Variants in TRPA1 observed in about 807,000 individuals in gnomAD.
TRPA1 encodes the protein transient receptor potential cation channel subfamily A member 1.
TRPA1 carries 129 observed loss-of-function variants against 131.3 expected under a neutral mutation model. That is an observed-to-expected ratio of 0.98 (90% confidence interval 0.85 to 1.14). The LOEUF is 1.14. TRPA1 is among the 50% of genes most tolerant of loss of function. TRPA1 has a pLI of 0.00. For synonymous variants in TRPA1, 441 were observed against 451.7 expected (o/e 0.98, Z 0.30); for missense variants, 1,304 against 1,354.2 (o/e 0.96, Z 0.58).
chr8:72,030,806 G>A (rs757951295), intron 23 of TRPA1, among the ~76,000 whole-genome samples: 3 of 152,170 alleles, frequency 2.0e-5, no homozygotes, highest in Non-Finnish European at 4.4e-5. Context: ...TACTATAGGG[G>A]CAGGAGAGGC....
At chr8:72,029,077 T>C (rs951610892) in intron 24 of TRPA1, among the ~76,000 whole-genome samples, 2 of 152,178 alleles carry the variant, frequency 1.3e-5, no homozygotes, top group African/African-American at 4.8e-5. Flanking sequence ...GGAAGGCACC[T>C]CACAAGATTC....
At chr8:72,077,289 G>GT (rs1491547171), upstream of TRPA1, among the ~76,000 whole-genome samples, 1 of 48,818 alleles carries the variant, frequency 2.0e-5, no homozygotes, top group Non-Finnish European at 4.3e-5. Context: ...GGTGACAGGG[G>GT]TGGGGGGGGG....
chr8:72,067,984 C>T (rs887479719), intron 3 of TRPA1, among the ~76,000 whole-genome samples: 3 of 152,200 alleles, frequency 2.0e-5, no homozygotes, highest in African/African-American at 7.2e-5. Flanking sequence ...ACACCTCTTC[C>T]CTCAAGGATA....
chr8:72,062,669 CA>C lies in TRPA1; in HGVS notation c.807+129del, dbSNP rs150130836. 1.0e-3 allele frequency: 993 copies of C among 984,652 alleles called. 5 individuals carry two copies. The African/African-American group carries it at 0.014, about 14-fold the overall frequency. The allele number at this position is 984,652 out of a possible 1,614,324, so 61.0% of individuals were successfully genotyped here. Reference sequence around the variant, plus strand: ...GGGATATTCTCTTGTTCTGCTTCTGCAGAAGCAGAAGGAAATATGTATTTCT... The same window carrying C: ...GGGATATTCTCTTGTTCTGCTTCTGCGAAGCAGAAGGAAATATGTATTTCT... On this transcript the variant is annotated intron_variant, in intron 6 of 26. Transcript: ENST00000262209.
At chr8:72,052,832 A>G in intron 13 of TRPA1, 67 bp from the exon 14 acceptor site, 6 of 1,584,436 alleles carry the variant, frequency 3.8e-6, no homozygotes, top group Non-Finnish European at 5.2e-6. Flanking sequence ...TCACTGCTTA[A>G]CTGCTTAAAA....
the TRPA1 span, among the ~76,000 whole-genome samples, chr8:72,084,704 T>C: frequency 7.0e-6 from 1 of 143,058 alleles, no homozygotes; most frequent in African/African-American, 2.6e-5. Flanking sequence ...CAGGCTGGAG[T>C]ACAGTGGCAT....
chr8:72,058,069 C>A (rs928161872), intron 8 of TRPA1, among the ~76,000 whole-genome samples: 1 of 152,158 alleles, frequency 6.6e-6, no homozygotes, highest in African/African-American at 2.4e-5. Flanking sequence ...TTACACCTGG[C>A]AATAGCTCTT....
intron 21 of TRPA1, among the ~76,000 whole-genome samples, chr8:72,035,974 A>G (rs1812027746): frequency 6.9e-6 from 1 of 144,596 alleles, no homozygotes; most frequent in Non-Finnish European, 1.5e-5. Flanking sequence ...GCTGCTAAGC[A>G]ATTTACGATA....
upstream of TRPA1, among the ~76,000 whole-genome samples, chr8:72,078,693 A>C (rs117232389): frequency 6.6e-6 from 1 of 152,070 alleles, no homozygotes; most frequent in Non-Finnish European, 1.5e-5. Flanking sequence ...GTTTGGGTCT[A>C]TTATAAATAA....
rs1585883686 is a variant in TRPA1, at chr8:72,062,912, T to C, written c.694A>G (p.Ile232Val). The change falls in exon 6 of 27, where the codon ATT (isoleucine) becomes GTT (valine). Residue 232 changes from isoleucine (I) to valine (V), a missense_variant. Ile to Val is a conservative substitution (Grantham distance 29, BLOSUM62 3). Transcript: ENST00000262209. ...GCTTTCCCATTATTCATAAAGTTAA[T>C]GTGCAACTGTCTACTGTACCCATGC... ...EEHGYSRQLH[I>V]NFMNNGKATP... The C allele has an allele frequency of 7.4e-6, 12 of 1,613,994 alleles. No homozygotes were observed. The highest frequency in any genetic ancestry group is 1.0e-5 in the Non-Finnish European group (12 of 1,179,974).
At chr8:72,060,719 T>C (rs1805787490) in intron 7 of TRPA1, among the ~76,000 whole-genome samples, 1 of 152,108 alleles carries the variant, frequency 6.6e-6, no homozygotes, top group South Asian at 2.1e-4. Flanking sequence ...CGTAGTTTTT[T>C]ACTAGTTTTA....
Position 72,060,595 on chromosome 8 carries a change from G to A in TRPA1, c.944+1030C>T, listed in dbSNP as rs561994866. On this transcript the variant is annotated intron_variant, in intron 7 of 26. Transcript: ENST00000262209. ...TTCATATATTTAGTTTTATATAACT[G>A]ATTATTCCTTCCTTTAAATTTTTGA... 2.6e-5 allele frequency among the ~76,000 whole-genome samples: 4 copies of A among 152,002 alleles called. No individual in the cohort carries two copies. In the Middle Eastern group the frequency reaches 0.01, roughly 388 times the overall value.
intron 20 of TRPA1, among the ~76,000 whole-genome samples, chr8:72,037,350 TAA>T (rs1812090447): frequency 6.6e-6 from 1 of 152,098 alleles, no homozygotes; most frequent in Non-Finnish European, 1.5e-5. Flanking sequence ...AAAAAAATTA[TAA>T]AGACTTTCAA....
At chr8:72,071,888 T>C (rs1482526954) in intron 1 of TRPA1, 21 bp from the exon 2 acceptor site, 1 of 1,609,752 alleles carries the variant, frequency 6.2e-7, no homozygotes, top group Non-Finnish European at 8.5e-7. Flanking sequence ...TTAAACACCA[T>C]TATACCAAAC....
chr8:72,033,873 T>C (rs554911941), intron 22 of TRPA1, 47 bp from the exon 23 acceptor site: 27 of 1,562,472 alleles, frequency 1.7e-5, no homozygotes, highest in Non-Finnish European at 2.3e-5. Flanking sequence ...GTTTCTACAA[T>C]GAAAAAGTGT....
At chr8:72,062,715 A>G (rs1383931870) in intron 6 of TRPA1, 84 bp downstream of exon 6, 15 of 1,346,304 alleles carry the variant, frequency 1.1e-5, no homozygotes, top group Middle Eastern at 2.4e-4. Flanking sequence ...TTCAATCTAA[A>G]TTAACTGTAA....
rs373429915 is a variant in TRPA1 at position 72,055,426 on chromosome 8, A to G, written c.1529+10T>C. ...GAAATTATATAAACACTCCAATCAT[A>G]TATCCTCACCTGAGAAACAATGCAC... On this transcript the variant is annotated intron_variant, in intron 12 of 26. Coordinates refer to ENST00000262209, the MANE Select transcript of TRPA1 (RefSeq NM_007332.3). The G allele has an allele frequency of 5.0e-6, 8 of 1,610,480 alleles. No homozygotes were observed. Among genetic ancestry groups the G allele is most frequent in the Non-Finnish European group, 6.8e-6 (8 of 1,177,030 alleles).
chr8:72,050,879 A>G lies in TRPA1; in HGVS notation c.1812-8T>C. On this transcript the variant is annotated splice_polypyrimidine_tract_variant and splice_region_variant and intron_variant, in intron 14 of 26. Transcript: ENST00000262209. ...TTAAGACATTCATCCCATCTGTAAA[A>G]AATAAATAAGTAAGATAAGCACAGG... 6.3e-7 allele frequency: 1 copy of G among 1,577,978 alleles called. No homozygotes were observed. The highest frequency in any genetic ancestry group is 2.2e-5 in the East Asian group (1 of 44,638).
chr8:72,022,818 C>A lies in TRPA1; in HGVS notation c.*88G>T. 1 of 1,240,646 alleles carries A rather than the reference C, an allele frequency of 8.1e-7. No homozygotes were observed. The highest frequency in any genetic ancestry group is 1.8e-5 in the Admixed American group (1 of 56,900). 76.9% of individuals were successfully genotyped at this position (1,240,646 alleles called of 1,614,324 possible). ...TTCACACGCAGCAAAATGAATCATT[C>A]TGCTTCTTCCTCACTCTTTTTAAAT... On this transcript the variant is annotated 3_prime_UTR_variant, in exon 27 of 27. Transcript: ENST00000262209.
Sources: allele counts gnomAD v4.1 joint callset (sites outside exome capture counted in the v4.1 genomes callset), GRCh38; gene constraint gnomAD v4.1.1; transcripts MANE v1.5; gene names NCBI Gene and HGNC (gene_info 2026-07-23, HGNC 2026-07-21).